Variants in ZFC3H1 observed in about 807,000 individuals in gnomAD.
ZFC3H1 encodes the protein zinc finger C3H1 domain-containing protein.
Under a neutral mutation model 243.7 loss-of-function variants are expected in ZFC3H1, and 71 were observed. The observed-to-expected ratio is 0.29, with a 90% CI of 0.24 to 0.36. The LOEUF is 0.36. ZFC3H1 is among the 10% of genes least tolerant of loss of function. ZFC3H1 has a pLI of 1.00. For synonymous variants in ZFC3H1, 838 were observed against 813.0 expected (o/e 1.03, Z -0.52); for missense variants, 1,966 against 2,317.1 (o/e 0.85, Z 3.11).
chr12:71,633,424 T>G lies in ZFC3H1; in HGVS notation c.2525A>C (p.Lys842Thr), dbSNP rs1158640107. 6.4e-7 allele frequency: 1 copy of G among 1,570,750 alleles called. No homozygotes were observed. Among genetic ancestry groups the G allele is most frequent in the Non-Finnish European group, 8.6e-7 (1 of 1,160,510 alleles). Residue 842 changes from lysine to threonine, a missense_variant, in exon 13 of 35, where the codon AAA (lysine) becomes ACA (threonine). By Grantham distance (78) the Lys-to-Thr change is moderately conservative (BLOSUM62 -1). This residue lies in a region of ZFC3H1 where 1,383 missense variants were observed against 1,723.7 expected (regional missense o/e 0.80). Coordinates refer to ENST00000378743, the MANE Select transcript of ZFC3H1 (RefSeq NM_144982.5). ...TAAATTCTTTAAAACAGATTCATCT[T>G]TCATCAAGAGAATCCTAAATGAGAA... is the stretch of plus-strand genomic sequence containing the variant. ...KLKKHRILLM[K>T]DESVLKNLVQ...
chr12:71,629,850 G>A (rs1880276408), intron 18 of ZFC3H1, 140 bp from the exon 19 acceptor site: 1 of 578,312 alleles, frequency 1.7e-6, no homozygotes. Context: ...ATTTGAAAGG[G>A]CAAAGCCTGT....
chr12:71,626,404 C>T lies in ZFC3H1; in HGVS notation c.4173G>A (p.Ala1391=), dbSNP rs370230357. 1.5e-4 allele frequency: 236 copies of T among 1,613,910 alleles called. 2 individuals are homozygous for T. Among genetic ancestry groups the T allele is most frequent in the Admixed American group, 2.3e-4 (14 of 59,988 alleles). ...TGTCTTTGTTATTTTCCAATGCTCG[C>T]GCCAGAACATTTAAAGCAGAATCCA... ...ESLDSALNVL[A]RALENNKDNP... is the part of the protein sequence containing the mutation. The change falls in exon 22 of 35, where the codon GCG becomes GCA. Residue 1391 remains alanine, a synonymous_variant. Coordinates refer to ENST00000378743, the MANE Select transcript of ZFC3H1 (RefSeq NM_144982.5).
chr12:71,646,254 A>C (rs1880727467), intron 3 of ZFC3H1, among the ~76,000 whole-genome samples: 2 of 152,190 alleles, frequency 1.3e-5, no homozygotes, highest in African/African-American at 4.8e-5. Flanking sequence ...TGTAAGCAAT[A>C]ATTTTAAAAT....
chr12:71,623,552 T>G lies in ZFC3H1; in HGVS notation c.4552A>C (p.Lys1518Gln). ...ANDGIVAEYL[K>Q]TSDRCLAWLA... The stretch of plus-strand genomic sequence containing the variant: ...CATGCCAAACATCGATCACTGGTTT[T>G]AAGGTATTCAGCTACTATTCCATCA... The change falls in exon 24 of 35, where the codon AAA becomes CAA. Residue 1518 changes from lysine (K) to glutamine (Q), a missense_variant. Coordinates refer to ENST00000378743, the MANE Select transcript of ZFC3H1 (RefSeq NM_144982.5). The G allele has an allele frequency of 6.2e-7, 1 of 1,613,496 alleles. No individual in the cohort carries two copies.
In ZFC3H1 at chr12:71,656,980, T is replaced by C; in HGVS notation, c.920A>G (p.Lys307Arg). 6.2e-7 allele frequency: 1 copy of C among 1,613,972 alleles called. No homozygotes were observed. Among genetic ancestry groups the C allele is most frequent in the Admixed American group, 1.7e-5 (1 of 60,032 alleles). The change falls in exon 2 of 35, where the codon AAA (lysine) becomes AGA (arginine). Residue 307 changes from lysine to arginine, a missense_variant. Physicochemically the swap from Lys to Arg is conservative, Grantham distance 26. Transcript: ENST00000378743. Reference sequence around the variant, plus strand: ...GTTCTTATCTCCTGGTAAAGTCAATTTTTGCCTGAGTGGTTTTAATTCAAA... The same window carrying C: ...GTTCTTATCTCCTGGTAAAGTCAATCTTTGCCTGAGTGGTTTTAATTCAAA... ...QAFELKPLRQ[K>R]LTLPGDKNRL...
intron 20 of ZFC3H1, among the ~76,000 whole-genome samples, chr12:71,628,534 T>C (rs982509104): frequency 6.6e-6 from 1 of 152,242 alleles, no homozygotes; most frequent in African/African-American, 2.4e-5. Flanking sequence ...GCCTTCTGCA[T>C]GTCAGAAAAC....
intron 32 of ZFC3H1, 181 bp from the exon 33 acceptor site, chr12:71,611,278 C>A: frequency 1.4e-4 from 58 of 402,750 alleles, no homozygotes; most frequent in East Asian, 3.6e-4. Flanking sequence ...AAGAAAAATT[C>A]AACAATTTTT....
At chr12:71,629,526 C>G in intron 19 of ZFC3H1, 83 bp downstream of exon 19, 1 of 915,334 alleles carries the variant, frequency 1.1e-6, no homozygotes, top group Non-Finnish European at 1.7e-6. Flanking sequence ...CATACAGAAA[C>G]TAAAAAGTCC....
rs749742428 is a variant in ZFC3H1, at chr12:71,663,631, C to T, written c.-21G>A. 2.5e-6 allele frequency: 4 copies of T among 1,601,270 alleles called. No individual in the cohort carries two copies. In the Admixed American group the frequency reaches 6.7e-5, roughly 27 times the overall value. On this transcript the variant is annotated 5_prime_UTR_variant, in exon 1 of 35. It adds an upstream start codon to the 5' untranslated region. Coordinates refer to ENST00000378743, the MANE Select transcript of ZFC3H1 (RefSeq NM_144982.5). ...GCCATCCGGGGAGCAGCGCCTTCCA[C>T]ACAACCTTAGCCCTCCGTCCGGGGA...
At chr12:71,636,772 C>T in intron 8 of ZFC3H1, 78 bp downstream of exon 8, 1 of 1,567,216 alleles carries the variant, frequency 6.4e-7, no homozygotes, top group South Asian at 1.2e-5. Context: ...CAATGATGCC[C>T]AAGTAACCAG....
At chr12:71,645,547 C>G (rs1880708106) in intron 3 of ZFC3H1, among the ~76,000 whole-genome samples, 1 of 152,144 alleles carries the variant, frequency 6.6e-6, no homozygotes, top group South Asian at 2.1e-4. Context: ...TGTCAAGATT[C>G]AAACTTACAA....
intron 19 of ZFC3H1, 140 bp from the exon 20 acceptor site, chr12:71,629,177 A>ACTTCCATC: frequency 1.3e-6 from 1 of 748,692 alleles, no homozygotes; most frequent in Non-Finnish European, 2.0e-6. Flanking sequence ...TTTTTTTGAG[A>ACTTCCATC]TGGAAGTCTC....
Position 71,636,470 on chromosome 12 carries a change from C to A in ZFC3H1, c.2100+20G>T. 6.3e-7 allele frequency: 1 copy of A among 1,589,226 alleles called. No homozygotes were observed. The highest frequency in any genetic ancestry group is 8.5e-7 in the Non-Finnish European group (1 of 1,169,948). On this transcript the variant is annotated intron_variant, in intron 9 of 34. Coordinates refer to ENST00000378743, the MANE Select transcript of ZFC3H1 (RefSeq NM_144982.5). ...ATCATAACTGTTTGAATAAAAGTAG[C>A]ATTAAATTTTTGTTTTTACCGAGAT...
chr12:71,638,667 C>G (rs1189520977), intron 6 of ZFC3H1, 152 bp from the exon 7 acceptor site: 1 of 607,352 alleles, frequency 1.6e-6, no homozygotes, highest in African/African-American at 1.9e-5. Context: ...CTCATGAGTC[C>G]ACCTCCAGCC....
chr12:71,645,553 T>A (rs1880708223), intron 3 of ZFC3H1, among the ~76,000 whole-genome samples: 1 of 152,202 alleles, frequency 6.6e-6, no homozygotes, highest in African/African-American at 2.4e-5. Context: ...GATTCAAACT[T>A]ACAAATTTTC....
chr12:71,623,597 T>C lies in ZFC3H1; in HGVS notation c.4507A>G (p.Asn1503Asp). The C allele has an allele frequency of 6.3e-7, 1 of 1,581,698 alleles. No individual in the cohort carries two copies. Among genetic ancestry groups the C allele is most frequent in the Non-Finnish European group, 8.6e-7 (1 of 1,169,410 alleles). Residue 1503 changes from asparagine to aspartate, a missense_variant and splice_region_variant, in exon 24 of 35, where the codon AAT becomes GAT. By Grantham distance (23) the Asn-to-Asp change is conservative. Around this residue, in one of 4 missense-constraint regions of ZFC3H1, gnomAD observed 1,383 missense variants for 1,723.7 expected, o/e 0.80. Coordinates refer to ENST00000378743, the MANE Select transcript of ZFC3H1 (RefSeq NM_144982.5). ...RCQSALAILQ[N>D]ALKSANDGIV... ...CCATCATTAGCAGATTTCAATGCATTCTAGGCAAAATTTAAAATTTTTTGA... is the reference window on the plus strand; with the variant it reads ...CCATCATTAGCAGATTTCAATGCATCCTAGGCAAAATTTAAAATTTTTTGA...
intron 27 of ZFC3H1, 145 bp downstream of exon 27, chr12:71,619,170 A>G (rs1565804570): frequency 1.6e-6 from 1 of 625,050 alleles, no homozygotes; most frequent in Non-Finnish European, 2.7e-6. Context: ...TGTTCTATTT[A>G]TTCTGTTTCA....
intron 17 of ZFC3H1, 21 bp downstream of exon 17, chr12:71,630,802 A>G: frequency 6.2e-7 from 1 of 1,609,816 alleles, no homozygotes; most frequent in Non-Finnish European, 8.5e-7. Flanking sequence ...AAATTACAAA[A>G]TGTTCACAAA....
chr12:71,631,731 CA>C, intron 16 of ZFC3H1, 46 bp downstream of exon 16: 1 of 1,480,498 alleles, frequency 6.8e-7, no homozygotes. Context: ...TATTAAAAAC[CA>C]AACAGAAATC....
Sources: gnomAD v4.1 joint callset for allele counts (sites outside exome capture counted in the v4.1 genomes callset) on GRCh38, gnomAD v4.1.1 for gene constraint, gnomAD v4.1.1 regional missense constraint, MANE v1.5 for transcripts, NCBI Gene and HGNC (gene_info 2026-07-23, HGNC 2026-07-21) for gene names.